Variants in PRMT8 observed in about 807,000 individuals in gnomAD.
The protein encoded by PRMT8 is protein arginine methyltransferase 8, also known as protein arginine N-methyltransferase 8.
A neutral mutation model predicts 47.1 loss-of-function variants in PRMT8; 7 were observed. The observed-to-expected ratio is 0.15, with a 90% CI of 0.08 to 0.28. The LOEUF is 0.28. Ranked by LOEUF, PRMT8 falls within the 10% of genes least tolerant of loss-of-function variation. The probability of loss-of-function intolerance (pLI) is 1.00; values close to 1 mark genes in which losing one functional copy is unlikely to be tolerated. For synonymous variants in PRMT8, 188 were observed against 186.5 expected (o/e 1.01, Z -0.07); for missense variants, 237 against 505.4 (o/e 0.47, Z 5.09).
In PRMT8 at chr12:3,491,374, G is replaced by T; in HGVS notation, c.-252G>T. ...CAGCGCGGGTGGAGAGGGGCGGGGAGGGGGTCGGGGGCACGAGAAGAACTT... is the reference window on the plus strand; with the variant it reads ...CAGCGCGGGTGGAGAGGGGCGGGGATGGGGTCGGGGGCACGAGAAGAACTT... On this transcript the variant is annotated 5_prime_UTR_variant, in exon 1 of 10. It adds an upstream start codon to the 5' untranslated region. Coordinates refer to ENST00000382622, the MANE Select transcript of PRMT8 (RefSeq NM_019854.5). The T allele has an allele frequency of 8.3e-7, 1 of 1,207,490 alleles. No individual in the cohort carries two copies. The highest frequency in any genetic ancestry group is 1.0e-6 in the Non-Finnish European group (1 of 970,198). The allele number at this position is 1,207,490 out of a possible 1,614,324, so 74.8% of individuals were successfully genotyped here.
In PRMT8 at chr12:3,582,985, C is replaced by A. The variant is rs1342437311; in HGVS notation, c.829-73C>A. On this transcript the variant is annotated intron_variant, in intron 7 of 9. Coordinates refer to ENST00000382622, the MANE Select transcript of PRMT8 (RefSeq NM_019854.5). ...TGACAGACCACAGTCTCTCACAGAACGAGGCTGCTGACCGGGACCCAGACT... is the reference window on the plus strand; with the variant it reads ...TGACAGACCACAGTCTCTCACAGAAAGAGGCTGCTGACCGGGACCCAGACT... 10 of 1,538,926 alleles carry A rather than the reference C, an allele frequency of 6.5e-6. No homozygotes were observed. In the East Asian group the frequency reaches 2.0e-4, roughly 31 times the overall value.
chr12:3,569,568 A>G lies in PRMT8; in HGVS notation c.712+4A>G. Reference sequence around the variant, plus strand: ...TACAAGGACTTCAAAATCCACTGTAAGTCCCCTCTTGCTTCTCCGGTGGAC... The same window carrying G: ...TACAAGGACTTCAAAATCCACTGTAGGTCCCCTCTTGCTTCTCCGGTGGAC... On this transcript the variant is annotated splice_donor_region_variant and intron_variant, in intron 6 of 9. Transcript: ENST00000382622. The surrounding 1 kb of genome is among the most constrained non-coding windows in gnomAD (Gnocchi z 8.2). 1 of 1,613,502 alleles carries G rather than the reference A, an allele frequency of 6.2e-7. No individual in the cohort carries two copies. Among genetic ancestry groups the G allele is most frequent in the Non-Finnish European group, 8.5e-7 (1 of 1,179,410 alleles).
At chr12:3,486,897 A>G (rs1865328295), upstream of PRMT8, among the ~76,000 whole-genome samples, 1 of 152,264 alleles carries the variant, frequency 6.6e-6, no homozygotes, top group South Asian at 2.1e-4. Context: ...TCTGGTTTTA[A>G]TGGCAAAAGA....
intron 1 of PRMT8, among the ~76,000 whole-genome samples, chr12:3,429,350 G>A (rs1318022969): frequency 3.3e-5 from 5 of 152,132 alleles, no homozygotes; most frequent in Admixed American, 6.5e-5. Flanking sequence ...TGGTAACACC[G>A]TAATCTCCCT....
chr12:3,480,931 A>C (rs770286314), intron 1 of PRMT8, among the ~76,000 whole-genome samples: 6 of 152,172 alleles, frequency 3.9e-5, no homozygotes, highest in Non-Finnish European at 8.8e-5. Context: ...ATAGCTAATA[A>C]ACAGGAAAGG....
intron 1 of PRMT8, among the ~76,000 whole-genome samples, chr12:3,525,910 A>G (rs898034494): frequency 6.6e-6 from 1 of 152,222 alleles, no homozygotes; most frequent in African/African-American, 2.4e-5. Flanking sequence ...ATTTTTAAAT[A>G]CACTGTTCAG....
upstream of PRMT8, among the ~76,000 whole-genome samples, chr12:3,486,974 T>C (rs913007276): frequency 6.6e-6 from 1 of 152,188 alleles, no homozygotes; most frequent in Non-Finnish European, 1.5e-5. Flanking sequence ...TGGAATGCAG[T>C]TTAAAAATAT....
intron 1 of PRMT8, among the ~76,000 whole-genome samples, chr12:3,392,394 A>G (rs1864202010): frequency 2.5e-5 from 3 of 118,492 alleles, no homozygotes. Context: ...CCAGAGTTTG[A>G]TGTTCCCCTT....
intron 1 of PRMT8, among the ~76,000 whole-genome samples, chr12:3,397,524 G>A (rs537637928): frequency 3.3e-5 from 5 of 150,894 alleles, no homozygotes; most frequent in African/African-American, 1.2e-4. Flanking sequence ...AGGCTGCTCG[G>A]GGGTCAGGGG....
At position 3,480,588 on chromosome 12, in the gene PRMT8, C is replaced by T. The variant is rs965825993; in HGVS notation, c.49-60018C>T. On this transcript the variant is annotated intron_variant, in intron 1 of 9. Transcript: ENST00000452611. ...TTGACACCCACCTTCCCTGAGGTCTCCAGTAACTTGTGGCAGAGCTGGGAC... is the reference window on the plus strand; with the variant it reads ...TTGACACCCACCTTCCCTGAGGTCTTCAGTAACTTGTGGCAGAGCTGGGAC... Among the ~76,000 whole-genome samples the T allele has an allele frequency of 7.9e-5, 12 of 152,136 alleles. No individual in the cohort carries two copies. In the South Asian group the frequency reaches 1.0e-3, roughly 13 times the overall value.
At chr12:3,491,742 C>T (rs750280739) in intron 1 of PRMT8, 42 bp downstream of exon 1, 11 of 1,572,772 alleles carry the variant, frequency 7.0e-6, no homozygotes, top group Middle Eastern at 1.9e-4. Flanking sequence ...GACCCCGCCG[C>T]CCACCCGGAC....
In PRMT8 at chr12:3,580,332, G is replaced by C. The variant is rs548681321; in HGVS notation, c.829-2726G>C. 9.4e-6 allele frequency among the ~76,000 whole-genome samples: 1 copy of C among 105,960 alleles called. No homozygotes were observed. The highest frequency in any genetic ancestry group is 2.6e-4 in the South Asian group (1 of 3,882). The allele number at this position is 105,960 out of a possible 152,430, so 69.5% of individuals were successfully genotyped here. A position where few individuals can be genotyped will look rare whatever the true frequency, so the allele number is the denominator to read the frequency against. ...GGAATTCCTGCCAGATGGGGGGTGC[G>C]TGTGCGTGTGTGTGTGTGTGTGTGT... On this transcript the variant is annotated intron_variant, in intron 7 of 9. Transcript: ENST00000382622. This position sits in a 1 kb window ranked among gnomAD's most constrained non-coding sequence, Gnocchi z 4.6.
chr12:3,524,949 G>A (rs1865930428), intron 1 of PRMT8, among the ~76,000 whole-genome samples: 1 of 152,194 alleles, frequency 6.6e-6, no homozygotes, highest in Admixed American at 6.5e-5. Context: ...ATGGCCAGGT[G>A]CAGTGCCTCA....
intron 4 of PRMT8, among the ~76,000 whole-genome samples, chr12:3,567,002 A>G (rs537422710): frequency 6.6e-6 from 1 of 152,370 alleles, no homozygotes; most frequent in East Asian, 1.9e-4. Flanking sequence ...ATGTCAGTTT[A>G]TCAAAAACTC....
chr12:3,481,151 G>A (rs1865270851), intron 1 of PRMT8, among the ~76,000 whole-genome samples: 1 of 152,194 alleles, frequency 6.6e-6, no homozygotes, highest in South Asian at 2.1e-4. Flanking sequence ...CCCTTCCCAG[G>A]GAAACCCAGA....
intron 1 of PRMT8, among the ~76,000 whole-genome samples, chr12:3,396,499 T>A (rs1864249875): frequency 1.3e-5 from 2 of 152,234 alleles, no homozygotes. Flanking sequence ...TATGAAATTC[T>A]GGGTTGAAAA....
intron 1 of PRMT8, among the ~76,000 whole-genome samples, chr12:3,431,299 CAGAG>C (rs34606620): frequency 6.0e-5 from 9 of 150,636 alleles, no homozygotes; most frequent in Non-Finnish European, 7.4e-5. Flanking sequence ...AGAGTGGGCA[CAGAG>C]AGAGAGAGAG....
At chr12:3,449,498 C>CT (rs1490332386) in intron 1 of PRMT8, among the ~76,000 whole-genome samples, 1 of 152,090 alleles carries the variant, frequency 6.6e-6, no homozygotes, top group African/African-American at 2.4e-5. Flanking sequence ...TGATGTTGAG[C>CT]TTTTTTTCAT....
rs371585079 is a variant in PRMT8, at chr12:3,514,737, G to A, written c.75+23037G>A. Among the ~76,000 whole-genome samples the A allele has an allele frequency of 2.0e-5, 3 of 152,052 alleles. No individual in the cohort carries two copies. In the South Asian group the frequency reaches 6.2e-4, roughly 32 times the overall value. On this transcript the variant is annotated intron_variant, in intron 1 of 9. Transcript: ENST00000382622. The surrounding 1 kb of genome is among the most constrained non-coding windows in gnomAD (Gnocchi z 5.9). The stretch of plus-strand genomic sequence containing the variant: ...CAGTGGGAGGGTGGGGGAGGGAGGG[G>A]CATTGATTCCCTCGGCCCCTCCCTA...
Sources: allele counts gnomAD v4.1 joint callset (sites outside exome capture counted in the v4.1 genomes callset), GRCh38; gene constraint gnomAD v4.1.1; non-coding constraint Gnocchi (gnomAD v3.1); transcripts MANE v1.5; gene names NCBI Gene and HGNC (gene_info 2026-07-23, HGNC 2026-07-21).